The following GLIS1 variants were observed in gnomAD, a reference collection of about 807,000 sequenced individuals.
The protein encoded by GLIS1 is zinc finger protein GLIS1.
A neutral mutation model predicts 63.8 loss-of-function variants in GLIS1; 24 were observed. That is an observed-to-expected ratio of 0.38 (90% CI 0.27 to 0.53). The LOEUF (loss-of-function observed/expected upper bound fraction) is 0.53. Among genes scored for constraint, GLIS1 ranks in the 20% least tolerant of loss-of-function variants. The pLI is 0.85. For synonymous variants in GLIS1, 450 were observed against 482.5 expected (o/e 0.93, Z 0.88); for missense variants, 1,036 against 1,074.1 (o/e 0.96, Z 0.50).
rs369019623 is a variant in GLIS1 at position 53,644,069 on chromosome 1, C to T, written c.260-43791G>A. Among the ~76,000 whole-genome samples the T allele has an allele frequency of 6.6e-4, 101 of 152,312 alleles. 1 individual carries two copies. The South Asian group carries it at 0.02, about 30-fold the overall frequency. Reference sequence around the variant, plus strand: ...AAAGTGGGGGAGGGGAGCAAGGCTCCATGTTAGGGTCAACTCTCATATTCT... The same window carrying T: ...AAAGTGGGGGAGGGGAGCAAGGCTCTATGTTAGGGTCAACTCTCATATTCT... On this transcript the variant is annotated intron_variant, in intron 2 of 10. Transcript: ENST00000628545.
chr1:53,519,460 T>C (rs1426725836), intron 7 of GLIS1, among the ~76,000 whole-genome samples: 1 of 152,090 alleles, frequency 6.6e-6, no homozygotes, highest in Non-Finnish European at 1.5e-5. Flanking sequence ...ATGTTGAAAA[T>C]GGTTGGAGTA....
At position 53,609,405 on chromosome 1, in the gene GLIS1, C is replaced by T. The variant is rs112292921; in HGVS notation, c.260-9127G>A. On this transcript the variant is annotated intron_variant, in intron 2 of 10. Coordinates refer to ENST00000628545, the MANE Select transcript of GLIS1 (RefSeq NM_001367484.1). Reference sequence around the variant, plus strand: ...TCTGCCTCAGCCTCCTGAGTAGCTGCGACTACAGGTGTGTGCCACCACACC... The same window carrying T: ...TCTGCCTCAGCCTCCTGAGTAGCTGTGACTACAGGTGTGTGCCACCACACC... Among the ~76,000 whole-genome samples, 266 of 150,312 alleles carry T rather than the reference C, an allele frequency of 1.8e-3. 1 individual carries two copies. The highest frequency in any genetic ancestry group is 6.1e-3 in the African/African-American group (250 of 41,046).
chr1:53,594,437 G>A lies in GLIS1; in HGVS notation c.991C>T (p.Leu331Phe), dbSNP rs770275773. 9.9e-6 allele frequency: 16 copies of A among 1,612,924 alleles called. No individual in the cohort carries two copies. Among genetic ancestry groups the A allele is most frequent in the Non-Finnish European group, 1.4e-5 (16 of 1,179,994 alleles). The change falls in exon 4 of 11, where the codon CTC becomes TTC. Residue 331 changes from leucine (L) to phenylalanine (F), a missense_variant. Physicochemically the swap from Leu to Phe is conservative, Grantham distance 22. This residue lies in a region of GLIS1 where 592 missense variants were observed against 593.9 expected (regional missense o/e 1.00). Transcript: ENST00000628545. ...AGGCCCTGCTGGTGAGGCCCAAAGA[G>A]CTCTGAAAACTCATCCGCGGGTTCC... The part of the protein sequence containing the change: ...KQEPADEFSE[L>F]FGPHQQGLPP...
At chr1:53,703,562 C>T (rs1018833154) in intron 2 of GLIS1, among the ~76,000 whole-genome samples, 2 of 151,124 alleles carry the variant, frequency 1.3e-5, no homozygotes, top group Non-Finnish European at 2.9e-5. Flanking sequence ...TTGTTTGAAC[C>T]CAGGATTTCA....
chr1:53,725,998 G>A (rs1015457107), intron 2 of GLIS1, among the ~76,000 whole-genome samples: 15 of 152,280 alleles, frequency 9.9e-5, no homozygotes, highest in Non-Finnish European at 2.9e-5. Context: ...TCAGAGATGC[G>A]TTCATGACAT....
chr1:53,593,386 C>T (rs1645211977), intron 4 of GLIS1, among the ~76,000 whole-genome samples: 1 of 152,266 alleles, frequency 6.6e-6, no homozygotes, highest in Admixed American at 6.5e-5. Flanking sequence ...CAGAAATGAT[C>T]CATCACAAGG....
In GLIS1 at chr1:53,506,607, G is replaced by A; in HGVS notation, c.*12C>T. On this transcript the variant is annotated 3_prime_UTR_variant, in exon 11 of 11. Coordinates refer to ENST00000628545, the MANE Select transcript of GLIS1 (RefSeq NM_001367484.1). ...TGCAGTGCTGGATGGGCAGGCGCAT[G>A]TGGGGGCTCCTTCAGGTGTCTGTGT... is the stretch of plus-strand genomic sequence containing the variant. 1.2e-6 allele frequency: 2 copies of A among 1,612,962 alleles called. No homozygotes were observed. The highest frequency in any genetic ancestry group is 8.5e-7 in the Non-Finnish European group (1 of 1,179,684).
At chr1:53,595,409 A>T (rs1645245180) in intron 3 of GLIS1, among the ~76,000 whole-genome samples, 1 of 152,122 alleles carries the variant, frequency 6.6e-6, no homozygotes, top group African/African-American at 2.4e-5. Context: ...AGTCCCAGCT[A>T]CTCGGGAGGC....
intron 2 of GLIS1, among the ~76,000 whole-genome samples, chr1:53,640,045 G>C (rs1645769512): frequency 6.6e-6 from 1 of 152,206 alleles, no homozygotes; most frequent in African/African-American, 2.4e-5. Flanking sequence ...TATTCATTAA[G>C]TTGTCACTAT....
rs1646930057 is a variant in GLIS1, at chr1:53,738,026, C to T, written c.39G>A (p.Arg13=). The change falls in exon 2 of 11, where the codon AGG becomes AGA. Residue 13 remains arginine (R), a synonymous_variant. Transcript: ENST00000628545. ...CEVAEAHSDK[R]PKEAPGAPGP... is the part of the protein sequence containing the mutation. ...CGGGCGCACCAGGGGCCTCCTTAGG[C>T]CTCTTGTCCGAGTGTGCCTCAGCCA... The T allele has an allele frequency of 4.9e-6, 6 of 1,230,788 alleles. No homozygotes were observed. In the East Asian group the frequency reaches 1.9e-4, roughly 39 times the overall value. 76.2% of individuals were successfully genotyped at this position (1,230,788 alleles called of 1,614,324 possible). A position where few individuals can be genotyped will look rare whatever the true frequency, so the allele number is the denominator to read the frequency against.
chr1:53,687,036 T>C (rs1009594770), intron 2 of GLIS1, among the ~76,000 whole-genome samples: 10 of 152,206 alleles, frequency 6.6e-5, no homozygotes, highest in African/African-American at 2.4e-4. Context: ...GTGAGGCCAC[T>C]GAGGCTCAGA....
chr1:53,572,051 G>A (rs1186477026), intron 4 of GLIS1, among the ~76,000 whole-genome samples: 2 of 152,232 alleles, frequency 1.3e-5, no homozygotes, highest in South Asian at 2.1e-4. Flanking sequence ...AAAATAGGCA[G>A]TAGTTCCAGG....
intron 4 of GLIS1, among the ~76,000 whole-genome samples, chr1:53,544,515 A>C (rs746316254): frequency 6.6e-6 from 1 of 152,074 alleles, no homozygotes; most frequent in Non-Finnish European, 1.5e-5. Flanking sequence ...GAGACCCCTA[A>C]ATTGCAAGCC....
At chr1:53,522,986 C>CTTTTTCTTTTTTTTTTTTTTTTTTTTTT (rs760283252) in intron 6 of GLIS1, among the ~76,000 whole-genome samples, 1 of 43,702 alleles carries the variant, frequency 2.3e-5, no homozygotes, top group African/African-American at 4.4e-5. Context: ...TCTTTTCTTT[C>CTTTTTCTTTTTTTTTTTTTTTTTTTTTT]TTTTTTTTTT....
chr1:53,653,716 C>G (rs912975770), intron 2 of GLIS1, among the ~76,000 whole-genome samples: 3 of 152,150 alleles, frequency 2.0e-5, no homozygotes, highest in African/African-American at 4.8e-5. Context: ...TGCTGGTAAG[C>G]AGTGAGAGGA....
rs1557500306 is a variant in GLIS1 at position 53,646,928 on chromosome 1, G to A, written c.260-46650C>T. Among the ~76,000 whole-genome samples, 1 of 136,520 alleles carries A rather than the reference G, an allele frequency of 7.3e-6. No individual in the cohort carries two copies. 89.6% of individuals were successfully genotyped at this position (136,520 alleles called of 152,430 possible). On this transcript the variant is annotated intron_variant, in intron 2 of 10. Transcript: ENST00000628545. The surrounding 1 kb of genome is among the most constrained non-coding windows in gnomAD (Gnocchi z 4.2). ...GGAAGGAAGGGAAGGAAGGAAGGAA[G>A]GAAAGAAGGAAGGAAAGGGAAGGGA...
At chr1:53,523,540 C>T (rs961047821) in intron 6 of GLIS1, among the ~76,000 whole-genome samples, 1 of 152,212 alleles carries the variant, frequency 6.6e-6, no homozygotes, top group South Asian at 2.1e-4. Flanking sequence ...GATCTTCCCA[C>T]TCTGTCCTCC....
At chr1:53,506,877 C>T in intron 10 of GLIS1, 101 bp from the exon 11 acceptor site, 1 of 1,194,368 alleles carries the variant, frequency 8.4e-7, no homozygotes, top group Non-Finnish European at 1.2e-6. Flanking sequence ...AGGGTCATCC[C>T]CTCACAGTGT....
chr1:53,672,255 C>T (rs540060851), intron 2 of GLIS1, among the ~76,000 whole-genome samples: 2 of 152,214 alleles, frequency 1.3e-5, no homozygotes, highest in Non-Finnish European at 2.9e-5. Flanking sequence ...GTGGGCAGAA[C>T]ATTAGATGAG....
Sources: allele counts gnomAD v4.1 joint callset (sites outside exome capture counted in the v4.1 genomes callset), GRCh38; gene constraint gnomAD v4.1.1; regional missense constraint gnomAD v4.1.1; non-coding constraint Gnocchi (gnomAD v3.1); transcripts MANE v1.5; gene names NCBI Gene and HGNC (gene_info 2026-07-23, HGNC 2026-07-21).